Variants in MAF observed in about 807,000 individuals in gnomAD.
The protein encoded by MAF is MAF bZIP transcription factor.
A neutral mutation model predicts 22.0 loss-of-function variants in MAF; 10 were observed. That is an observed-to-expected ratio of 0.45 (90% CI 0.28 to 0.77). The LOEUF (loss-of-function observed/expected upper bound fraction) is 0.77. Among genes scored for constraint, MAF ranks in the 30% least tolerant of loss-of-function variants. MAF has a pLI of 0.12. For missense variants in MAF, 544 were observed against 548.4 expected (o/e 0.99, Z 0.08); for synonymous variants, 337 against 255.8 (o/e 1.32, Z -3.03).
chr16:79,598,163 T>G, intron 1 of MAF: 1 of 1,051,562 alleles, frequency 9.5e-7, no homozygotes, highest in Non-Finnish European at 1.1e-6. Context: ...AAAAAAACTT[T>G]GCTTTTTTTT....
the MAF span, among the ~76,000 whole-genome samples, chr16:79,407,462 C>T: frequency 1.3e-4 from 20 of 152,160 alleles, no homozygotes; most frequent in Admixed American, 7.8e-4. Context: ...TCTCTCTCTT[C>T]CTCCCTCTTT....
chr16:79,452,748 C>T, the MAF span, among the ~76,000 whole-genome samples: 4 of 152,110 alleles, frequency 2.6e-5, no homozygotes, highest in African/African-American at 4.8e-5. Flanking sequence ...AGTGGAAGCA[C>T]TCCACTTCCA....
chr16:79,555,410 G>C, the MAF span, among the ~76,000 whole-genome samples: 1 of 152,086 alleles, frequency 6.6e-6, no homozygotes, highest in Non-Finnish European at 1.5e-5. Flanking sequence ...ATGGTGTACT[G>C]GTAAATGTTT....
rs1163516350 is a variant in MAF at position 79,600,116 on chromosome 16, C to T, written c.-214G>A. The T allele has an allele frequency of 2.6e-5, 15 of 567,828 alleles. No individual in the cohort carries two copies. The highest frequency in any genetic ancestry group is 9.2e-5 in the South Asian group (4 of 43,418). The allele number at this position is 567,828 out of a possible 1,614,324, so 35.2% of individuals were successfully genotyped here. ...GCCCCCCGCGCCCGCCCTCCCTCCC[C>T]CCTGCTCACGCCAATGTGCTCCCTC... On this transcript the variant is annotated 5_prime_UTR_variant, in exon 1 of 2. Transcript: ENST00000326043.
chr16:79,251,677 A>G, the MAF span, among the ~76,000 whole-genome samples: 32 of 152,308 alleles, frequency 2.1e-4, 1 homozygote, highest in East Asian at 7.7e-4. Flanking sequence ...ACCAATGTCA[A>G]TAAGTCATAT....
the MAF span, among the ~76,000 whole-genome samples, chr16:79,546,964 G>C: frequency 2.0e-5 from 3 of 152,158 alleles, no homozygotes; most frequent in Non-Finnish European, 2.9e-5. Flanking sequence ...TGTGACAATT[G>C]AAAGTGCAAA....
At chr16:79,533,799 G>C in the MAF span, among the ~76,000 whole-genome samples, 1 of 152,286 alleles carries the variant, frequency 6.6e-6, no homozygotes. Flanking sequence ...AGGATGTGGA[G>C]AGATGAATTT....
At chr16:79,441,313 C>G in the MAF span, among the ~76,000 whole-genome samples, 1 of 152,144 alleles carries the variant, frequency 6.6e-6, no homozygotes, top group Non-Finnish European at 1.5e-5. Context: ...CCTGTTTTTC[C>G]CAAGCTCCTC....
At chr16:79,504,601 A>G in the MAF span, among the ~76,000 whole-genome samples, 2 of 152,148 alleles carry the variant, frequency 1.3e-5, no homozygotes, top group South Asian at 4.2e-4. Flanking sequence ...ATGGATGGAT[A>G]AATGGATAGA....
At chr16:79,366,702 C>T in the MAF span, among the ~76,000 whole-genome samples, 1 of 152,180 alleles carries the variant, frequency 6.6e-6, no homozygotes, top group Non-Finnish European at 1.5e-5. Flanking sequence ...TAGGAACCTC[C>T]CTATGGGGGT....
the MAF span, among the ~76,000 whole-genome samples, chr16:79,210,637 G>A: frequency 2.6e-5 from 4 of 152,184 alleles, no homozygotes; most frequent in Non-Finnish European, 5.9e-5. Context: ...ATCATAAGAT[G>A]CCAGATAAAC....
the MAF span, chr16:79,203,242 C>G: frequency 6.6e-6 from 1 of 152,184 alleles, no homozygotes; most frequent in Non-Finnish European, 1.5e-5. Flanking sequence ...GAGACACTCT[C>G]CACAGTATGT....
the MAF span, among the ~76,000 whole-genome samples, chr16:79,341,931 T>G: frequency 6.6e-6 from 1 of 152,218 alleles, no homozygotes; most frequent in African/African-American, 2.4e-5. Flanking sequence ...AGCAGCCAGA[T>G]GGAAAGTGAT....
At chr16:79,312,665 G>C in the MAF span, among the ~76,000 whole-genome samples, 2 of 152,184 alleles carry the variant, frequency 1.3e-5, no homozygotes, top group Admixed American at 1.3e-4. Context: ...TCAAGGTCAG[G>C]TGACCACAAC....
chr16:79,268,444 G>A, the MAF span, among the ~76,000 whole-genome samples: 2 of 152,086 alleles, frequency 1.3e-5, no homozygotes, highest in African/African-American at 4.8e-5. Context: ...AGCCTGTTAG[G>A]ATTACTGTGA....
the MAF span, among the ~76,000 whole-genome samples, chr16:79,438,095 A>T: frequency 9.2e-5 from 14 of 151,772 alleles, no homozygotes; most frequent in African/African-American, 3.1e-4. Context: ...TTTAGAAAAC[A>T]GCAGAGGCCC....
downstream of MAF, among the ~76,000 whole-genome samples, chr16:79,592,755 A>G (rs1286992622): frequency 6.6e-6 from 1 of 152,260 alleles, no homozygotes; most frequent in Non-Finnish European, 1.5e-5. Flanking sequence ...ATTGTAGCCT[A>G]TCACTGCAGA....
At chr16:79,507,883 T>C in the MAF span, among the ~76,000 whole-genome samples, 1 of 152,174 alleles carries the variant, frequency 6.6e-6, no homozygotes, top group Non-Finnish European at 1.5e-5. Context: ...TATAAAAATA[T>C]ATAAAATACC....
At chr16:79,430,019 G>A in the MAF span, among the ~76,000 whole-genome samples, 1 of 152,066 alleles carries the variant, frequency 6.6e-6, no homozygotes, top group Admixed American at 6.5e-5. Flanking sequence ...TCTGGGCTGG[G>A]GACCAAAGTC....
Sources: gnomAD v4.1 joint callset for allele counts (sites outside exome capture counted in the v4.1 genomes callset) on GRCh38, gnomAD v4.1.1 for gene constraint, MANE v1.5 for transcripts, NCBI Gene and HGNC (gene_info 2026-07-23, HGNC 2026-07-21) for gene names.